HRH4: variants seen among roughly 807,000 people sequenced by gnomAD.
HRH4 encodes the protein histamine receptor H4.
In HRH4, 12 loss-of-function variants were observed where a neutral mutation model predicts 10.4. That is an observed-to-expected ratio of 1.15 (90% CI 0.74 to 1.87). HRH4 has a LOEUF of 1.87. HRH4 is among the 40% of genes most tolerant of loss of function. The pLI is 0.00. For synonymous variants in HRH4, 154 were observed against 166.6 expected, an observed-to-expected ratio of 0.92 and a Z score of 0.58; for missense variants, 415 against 453.3, an observed-to-expected ratio of 0.92 and a Z score of 0.77.
At chr18:24,462,053 C>T (rs748705955) in intron 1 of HRH4, among the ~76,000 whole-genome samples, 53 of 152,138 alleles carry the variant, frequency 3.5e-4, no homozygotes, top group Non-Finnish European at 2.8e-4. Context: ...GTTTAGTTAG[C>T]GAATAGAGGC....
rs1568100192 is a variant in HRH4 at position 24,477,626 on chromosome 18, T to A, written c.*64T>A. Reference sequence around the variant, plus strand: ...TCACCTAAATGAATCAGGTCTGCCCTTTATCTTGCCCTTTTCATTCTACCA... The same window carrying A: ...TCACCTAAATGAATCAGGTCTGCCCATTATCTTGCCCTTTTCATTCTACCA... On this transcript the variant is annotated 3_prime_UTR_variant, in exon 3 of 3. Transcript: ENST00000256906. 7 of 1,132,090 alleles carry A rather than the reference T, an allele frequency of 6.2e-6. No individual in the cohort carries two copies. In the South Asian group the frequency reaches 1.1e-4, roughly 18 times the overall value. The allele number at this position is 1,132,090 out of a possible 1,614,324, so 70.1% of individuals were successfully genotyped here.
At chr18:24,476,540 C>T (rs1393438722) in intron 2 of HRH4, among the ~76,000 whole-genome samples, 1 of 152,180 alleles carries the variant, frequency 6.6e-6, no homozygotes, top group Non-Finnish European at 1.5e-5. Context: ...AGGTAACAGT[C>T]TTCTCCCCTG....
At chr18:24,475,157 CT>C (rs1910103102) in intron 2 of HRH4, among the ~76,000 whole-genome samples, 1 of 152,062 alleles carries the variant, frequency 6.6e-6, no homozygotes, top group South Asian at 2.1e-4. Context: ...GAGGGCAGTC[CT>C]CACTCATAGA....
At chr18:24,464,606 A>AT (rs906718328) in intron 1 of HRH4, among the ~76,000 whole-genome samples, 1 of 151,964 alleles carries the variant, frequency 6.6e-6, no homozygotes, top group African/African-American at 2.4e-5. Context: ...TTTGATTGCC[A>AT]TTTTCTCATG....
chr18:24,461,520 T>C (rs973722672), intron 1 of HRH4, among the ~76,000 whole-genome samples: 2 of 152,142 alleles, frequency 1.3e-5, no homozygotes, highest in Admixed American at 6.5e-5. Context: ...ACACGCACTT[T>C]ATAATTTTTC....
At position 24,476,749 on chromosome 18, in the gene HRH4, G is replaced by A. The variant is rs1268231136; in HGVS notation, c.360G>A (p.Val120=). 6.2e-7 allele frequency: 1 copy of A among 1,610,432 alleles called. No individual in the cohort carries two copies. The highest frequency in any genetic ancestry group is 1.7e-5 in the Admixed American group (1 of 59,624). The change falls in exon 3 of 3, where the codon GTG becomes GTA. Residue 120 remains valine (V), a splice_region_variant and synonymous_variant. Transcript: ENST00000256906. ...YDRYLSVSNA[V]SYRTQHTGVL... ...GAAAATAATTTGGTTTCTTCTAGGTGTCTTATAGAACTCAACATACTGGGG... is the reference window on the plus strand; with the variant it reads ...GAAAATAATTTGGTTTCTTCTAGGTATCTTATAGAACTCAACATACTGGGG...
chr18:24,462,204 T>C (rs1909662561), intron 1 of HRH4, among the ~76,000 whole-genome samples: 1 of 152,168 alleles, frequency 6.6e-6, no homozygotes, highest in Admixed American at 6.5e-5. Context: ...AGCTTGGAGC[T>C]GGCTGGTGTG....
rs377216014 is a variant in HRH4, at chr18:24,478,681, T to G, written c.*1119T>G. 1.3e-5 allele frequency: 2 copies of G among 152,112 alleles called. No homozygotes were observed. Among genetic ancestry groups the G allele is most frequent in the Non-Finnish European group, 2.9e-5 (2 of 68,024 alleles). 9.4% of individuals were successfully genotyped at this position (152,112 alleles called of 1,614,324 possible). Reference sequence around the variant, plus strand: ...ACTCTGTCTAAAAAGAAAAAAAAATTTTTTTGTTTAAGACAGCATCTTGCT... The same window carrying G: ...ACTCTGTCTAAAAAGAAAAAAAAATGTTTTTGTTTAAGACAGCATCTTGCT... On this transcript the variant is annotated 3_prime_UTR_variant, in exon 3 of 3. Coordinates refer to ENST00000256906, the MANE Select transcript of HRH4 (RefSeq NM_021624.4).
In HRH4 at chr18:24,476,875, T is replaced by G; in HGVS notation, c.486T>G (p.Ser162Arg). 1 of 1,614,196 alleles carries G rather than the reference T, an allele frequency of 6.2e-7. No homozygotes were observed. The highest frequency in any genetic ancestry group is 8.5e-7 in the Non-Finnish European group (1 of 1,180,028). Residue 162 changes from serine to arginine, a missense_variant, in exon 3 of 3, where the codon AGT becomes AGG. By Grantham distance (110) the Ser-to-Arg change is moderately radical. Transcript: ENST00000256906. ...CAGAGTCTTGGAAGGATGAAGGTAG[T>G]GAATGTGAACCTGGATTTTTTTCGG... ...LVSESWKDEG[S>R]ECEPGFFSEW... is the part of the protein sequence containing the mutation.
Position 24,477,174 on chromosome 18 carries a change from C to G in HRH4, c.785C>G (p.Ser262Cys), listed in dbSNP as rs376308497. The G allele has an allele frequency of 3.8e-5, 61 of 1,614,058 alleles. No individual in the cohort carries two copies. Among genetic ancestry groups the G allele is most frequent in the Non-Finnish European group, 4.9e-5 (58 of 1,180,046 alleles). The change falls in exon 3 of 3, where the codon TCC becomes TGC. Residue 262 changes from serine (S) to cysteine (C), a missense_variant. Transcript: ENST00000256906. ...AGGAGAAAGAGTAGTCTCATGTTTTCCTCAAGAACCAAGATGAATAGCAAT... is the reference window on the plus strand; with the variant it reads ...AGGAGAAAGAGTAGTCTCATGTTTTGCTCAAGAACCAAGATGAATAGCAAT... ...RQRRKSSLMF[S>C]SRTKMNSNTI...
chr18:24,470,334 A>G (rs140232217), intron 2 of HRH4, among the ~76,000 whole-genome samples: 2 of 152,294 alleles, frequency 1.3e-5, no homozygotes, highest in East Asian at 1.9e-4. Context: ...CAAGAGCCAG[A>G]TAGCAAATAA....
At chr18:24,470,917 C>T (rs1371877562) in intron 2 of HRH4, among the ~76,000 whole-genome samples, 2 of 142,774 alleles carry the variant, frequency 1.4e-5, no homozygotes, top group Non-Finnish European at 3.0e-5. Context: ...GGAAGAAGTC[C>T]AGAGCAAGGG....
chr18:24,461,951 A>AT (rs1432503819), intron 1 of HRH4, among the ~76,000 whole-genome samples: 1 of 152,154 alleles, frequency 6.6e-6, no homozygotes. Context: ...TGGACAAGAG[A>AT]TGTTCAGAAA....
At position 24,477,971 on chromosome 18, in the gene HRH4, A is replaced by G. The variant is rs1244364780; in HGVS notation, c.*409A>G. The G allele has an allele frequency of 6.3e-6, 1 of 158,800 alleles. No homozygotes were observed. The highest frequency in any genetic ancestry group is 6.1e-5 in the Admixed American group (1 of 16,374). 9.8% of individuals were successfully genotyped at this position (158,800 alleles called of 1,614,324 possible). On this transcript the variant is annotated 3_prime_UTR_variant, in exon 3 of 3. Transcript: ENST00000256906. ...AGAACCTCCTGGCTGGGACTGCCCA[A>G]CTCTGTTCTGATCAGTGGGTGGGTG...
intron 1 of HRH4, among the ~76,000 whole-genome samples, chr18:24,467,976 GA>G (rs1194541383): frequency 7.2e-5 from 11 of 152,100 alleles, no homozygotes; most frequent in Non-Finnish European, 1.5e-4. Context: ...GTTAGAGCAT[GA>G]AAAAAGTAAA....
At position 24,477,318 on chromosome 18, in the gene HRH4, G is replaced by A. The variant is rs1381928913; in HGVS notation, c.929G>A (p.Gly310Glu). Reference sequence around the variant, plus strand: ...GCCAAGTCACTGGCCATTCTCTTAGGGGTTTTTGCTGTTTGCTGGGCTCCA... The same window carrying A: ...GCCAAGTCACTGGCCATTCTCTTAGAGGTTTTTGCTGTTTGCTGGGCTCCA... ...RLAKSLAILLGVFAVCWAPYS... is the reference protein window; with the variant it reads ...RLAKSLAILLEVFAVCWAPYS... The change falls in exon 3 of 3, where the codon GGG becomes GAG. Residue 310 changes from glycine to glutamate, a missense_variant. Coordinates refer to ENST00000256906, the MANE Select transcript of HRH4 (RefSeq NM_021624.4). 6.2e-7 allele frequency: 1 copy of A among 1,614,110 alleles called. No individual in the cohort carries two copies. Among genetic ancestry groups the A allele is most frequent in the South Asian group, 1.1e-5 (1 of 91,082 alleles).
At chr18:24,461,037 C>A in intron 1 of HRH4, 116 bp downstream of exon 1, 1 of 750,500 alleles carries the variant, frequency 1.3e-6, no homozygotes, top group Non-Finnish European at 2.0e-6. Flanking sequence ...AAAATAAACA[C>A]AAAAAGTTTA....
At chr18:24,473,193 G>T (rs17187626) in intron 2 of HRH4, among the ~76,000 whole-genome samples, 33,856 of 151,896 alleles carry the variant, frequency 0.22, 4,046 homozygotes, top group East Asian at 0.44. Context: ...AATTAAGATA[G>T]TAAAAGAAGG....
intron 2 of HRH4, among the ~76,000 whole-genome samples, chr18:24,472,333 A>G (rs1382380424): frequency 6.6e-6 from 1 of 152,226 alleles, no homozygotes; most frequent in Non-Finnish European, 1.5e-5. Flanking sequence ...GGCATGAATC[A>G]CCATGCCCGG....
Sources: gnomAD v4.1 joint callset for allele counts (sites outside exome capture counted in the v4.1 genomes callset) on GRCh38, gnomAD v4.1.1 for gene constraint, MANE v1.5 for transcripts, NCBI Gene and HGNC (gene_info 2026-07-23, HGNC 2026-07-21) for gene names.